Variants in STYK1 observed in about 807,000 individuals in gnomAD.
STYK1 encodes the protein tyrosine-protein kinase STYK1.
STYK1 carries 46 observed loss-of-function variants against 48.1 expected under a neutral mutation model. The ratio of observed to expected loss-of-function variants is 0.96; its 90% CI spans 0.75 to 1.22. The LOEUF (loss-of-function observed/expected upper bound fraction) is 1.22. Among genes scored for constraint, STYK1 ranks in the 50% most tolerant of loss-of-function variants. STYK1 has a pLI of 0.00. For synonymous variants in STYK1, 188 were observed against 189.0 expected, an observed-to-expected ratio of 0.99 and a Z score of 0.04; for missense variants, 527 against 521.1, an observed-to-expected ratio of 1.01 and a Z score of -0.11.
At chr12:10,652,714 A>G (rs147701503) in intron 1 of STYK1, among the ~76,000 whole-genome samples, 4 of 137,456 alleles carry the variant, frequency 2.9e-5, no homozygotes, top group Non-Finnish European at 4.7e-5. Flanking sequence ...TTAGATCACT[A>G]CTTATAGTTC....
At chr12:10,638,565 T>C (rs1237224304) in intron 1 of STYK1, among the ~76,000 whole-genome samples, 1 of 152,232 alleles carries the variant, frequency 6.6e-6, no homozygotes, top group Non-Finnish European at 1.5e-5. Context: ...AATACAAGCA[T>C]AGTGTCACAC....
chr12:10,644,713 T>G (rs192660421), intron 1 of STYK1, among the ~76,000 whole-genome samples: 187 of 152,214 alleles, frequency 1.2e-3, no homozygotes, highest in Middle Eastern at 3.4e-3. Flanking sequence ...ACAGTGGTTG[T>G]AGAAGGTAAG....
chr12:10,619,004 TATCA>T lies in STYK1; in HGVS notation c.*1136_*1139del, dbSNP rs1865862710. ...AGTGTACAAATACATACTCAAAACGTATCAATCCTCAGAACAACCTTGTGAAATA... is the reference window on the plus strand; with the variant it reads ...AGTGTACAAATACATACTCAAAACGTATCCTCAGAACAACCTTGTGAAATA... On this transcript the variant is annotated 3_prime_UTR_variant, in exon 11 of 11. Coordinates refer to ENST00000075503, the MANE Select transcript of STYK1 (RefSeq NM_018423.3). 1 of 152,194 alleles carries T rather than the reference TATCA, an allele frequency of 6.6e-6. No individual in the cohort carries two copies. The allele number at this position is 152,194 out of a possible 1,614,324, so 9.4% of individuals were successfully genotyped here. A position where few individuals can be genotyped will look rare whatever the true frequency, so the allele number is the denominator to read the frequency against.
chr12:10,622,303 T>C (rs1865920945), intron 9 of STYK1, among the ~76,000 whole-genome samples: 1 of 152,162 alleles, frequency 6.6e-6, no homozygotes, highest in South Asian at 2.1e-4. Context: ...AATTAATAAG[T>C]CTGGAGTAAA....
chr12:10,673,452 C>G (rs1302592580), intron 1 of STYK1: 1 of 152,052 alleles, frequency 6.6e-6, no homozygotes, highest in Non-Finnish European at 1.5e-5. Flanking sequence ...TCAGGCTGTA[C>G]ACTTTTAAAG....
At chr12:10,626,722 T>C (rs1173815702) in intron 7 of STYK1, among the ~76,000 whole-genome samples, 1 of 152,192 alleles carries the variant, frequency 6.6e-6, no homozygotes, top group Non-Finnish European at 1.5e-5. Flanking sequence ...TTAAGTTGTT[T>C]TAGGCCGGGC....
intron 7 of STYK1, among the ~76,000 whole-genome samples, chr12:10,625,628 A>G (rs1175697609): frequency 6.6e-6 from 1 of 152,224 alleles, no homozygotes; most frequent in African/African-American, 2.4e-5. Flanking sequence ...AAATAACTGC[A>G]TGGGTTGAAT....
intron 5 of STYK1, among the ~76,000 whole-genome samples, chr12:10,630,237 T>C (rs1008507182): frequency 6.6e-6 from 1 of 151,342 alleles, no homozygotes; most frequent in African/African-American, 2.4e-5. Flanking sequence ...AATACAAAAA[T>C]TAGCTGGCCA....
At chr12:10,634,472 TG>T in intron 3 of STYK1, 94 bp downstream of exon 3, 1 of 1,375,612 alleles carries the variant, frequency 7.3e-7, no homozygotes, top group Non-Finnish European at 1.0e-6. Context: ...TCATTTCTAC[TG>T]GAAATCAAAT....
chr12:10,626,286 T>C (rs1457387616), intron 7 of STYK1, among the ~76,000 whole-genome samples: 1 of 152,212 alleles, frequency 6.6e-6, no homozygotes, highest in Non-Finnish European at 1.5e-5. Context: ...AATTCATCCC[T>C]GGACGGCGCC....
intron 1 of STYK1, among the ~76,000 whole-genome samples, chr12:10,659,927 G>GT (rs1323212680): frequency 1.3e-5 from 2 of 152,034 alleles, no homozygotes; most frequent in Non-Finnish European, 1.5e-5. Context: ...TCAGTTTTTA[G>GT]TTTTTTTCTG....
intron 1 of STYK1, among the ~76,000 whole-genome samples, chr12:10,660,609 A>AT (rs1947766499): frequency 1.3e-5 from 2 of 149,070 alleles, no homozygotes; most frequent in Admixed American, 6.8e-5. Context: ...TCAGCCCAAG[A>AT]TACAGGTCAC....
chr12:10,634,011 G>A lies in STYK1; in HGVS notation c.166C>T (p.Gln56Ter), dbSNP rs2120657967. The A allele has an allele frequency of 1.2e-6, 2 of 1,614,086 alleles. No individual in the cohort carries two copies. The highest frequency in any genetic ancestry group is 1.7e-6 in the Non-Finnish European group (2 of 1,179,992). ...TTACCTTGAGGTCCAGAACGCTGCT[G>A]TTGAGTTCTTTGTTCTCTGATAAAA... is the stretch of plus-strand genomic sequence containing the variant. ...WLFIREQRTQQQRSGPQGIAP... is the reference protein window; with the variant it reads ...WLFIREQRTQ Residue 56 changes from glutamine (Q) to a stop codon, truncating the protein, a stop_gained, in exon 4 of 11, where the codon CAG (glutamine) becomes TAG (stop). Coordinates refer to ENST00000075503, the MANE Select transcript of STYK1 (RefSeq NM_018423.3). LOFTEE classifies it high-confidence loss of function.
Position 10,620,367 on chromosome 12 carries a change from A to G in STYK1, c.1065-19T>C, listed in dbSNP as rs1358808604. The G allele has an allele frequency of 6.2e-7, 1 of 1,610,654 alleles. No individual in the cohort carries two copies. Among genetic ancestry groups the G allele is most frequent in the Non-Finnish European group, 8.5e-7 (1 of 1,179,084 alleles). On this transcript the variant is annotated intron_variant, in intron 10 of 10. Coordinates refer to ENST00000075503, the MANE Select transcript of STYK1 (RefSeq NM_018423.3). ...ACTGTACCTGAGAGGGAAACAAGAGAAACTGACTTCCTTGACAAGGCAAAT... is the reference window on the plus strand; with the variant it reads ...ACTGTACCTGAGAGGGAAACAAGAGGAACTGACTTCCTTGACAAGGCAAAT...
intron 1 of STYK1, among the ~76,000 whole-genome samples, chr12:10,665,432 A>G (rs1418110833): frequency 1.3e-5 from 2 of 152,202 alleles, no homozygotes; most frequent in Non-Finnish European, 2.9e-5. Flanking sequence ...TAAGGCACAG[A>G]GTTCAGACAC....
chr12:10,621,761 C>A, intron 10 of STYK1, 115 bp downstream of exon 10: 1 of 845,062 alleles, frequency 1.2e-6, no homozygotes, highest in Non-Finnish European at 1.9e-6. Flanking sequence ...AAAAGCTGTA[C>A]ATGGGTACAT....
intron 1 of STYK1, among the ~76,000 whole-genome samples, chr12:10,642,537 A>T (rs1947556505): frequency 6.6e-6 from 1 of 152,164 alleles, no homozygotes; most frequent in African/African-American, 2.4e-5. Flanking sequence ...CAGTTGGGAA[A>T]TAGTCACATA....
chr12:10,653,642 G>A (rs1411612757), intron 1 of STYK1, among the ~76,000 whole-genome samples: 1 of 152,148 alleles, frequency 6.6e-6, no homozygotes, highest in Non-Finnish European at 1.5e-5. Context: ...AGTACAATCT[G>A]TACATCCTGT....
At chr12:10,669,248 A>G (rs540277115) in intron 1 of STYK1, among the ~76,000 whole-genome samples, 1 of 152,222 alleles carries the variant, frequency 6.6e-6, no homozygotes, top group African/African-American at 2.4e-5. Flanking sequence ...TATAATACTA[A>G]AAGTACAAGG....
Sources: allele counts gnomAD v4.1 joint callset (sites outside exome capture counted in the v4.1 genomes callset), GRCh38; gene constraint gnomAD v4.1.1; transcripts MANE v1.5; gene names NCBI Gene and HGNC (gene_info 2026-07-23, HGNC 2026-07-21).